The following DSCAM variants were observed in gnomAD, a reference collection of about 807,000 sequenced individuals.
DSCAM encodes the protein cell adhesion molecule DSCAM.
DSCAM carries 47 observed loss-of-function variants against 217.7 expected under a neutral mutation model. That is an observed-to-expected ratio of 0.22 (90% CI 0.17 to 0.28). The LOEUF (loss-of-function observed/expected upper bound fraction) is 0.28. Ranked by LOEUF, DSCAM falls within the 10% of genes least tolerant of loss-of-function variation. The pLI, the probability that DSCAM is intolerant of heterozygous loss-of-function variation, is 1.00. For synonymous variants in DSCAM, 1,056 were observed against 1,015.3 expected (o/e 1.04, Z -0.76); for missense variants, 2,080 against 2,618.3 (o/e 0.79, Z 4.49).
At chr21:40,526,677 A>C (rs907284908) in intron 3 of DSCAM, among the ~76,000 whole-genome samples, 1 of 152,142 alleles carries the variant, frequency 6.6e-6, no homozygotes, top group African/African-American at 2.4e-5. Flanking sequence ...GAGAACCATT[A>C]GGGCACTTCA....
chr21:40,780,197 C>T (rs560600898), intron 1 of DSCAM, among the ~76,000 whole-genome samples: 54 of 152,104 alleles, frequency 3.6e-4, no homozygotes, highest in African/African-American at 1.3e-3. Flanking sequence ...TGCTGAAGCA[C>T]GTGTTCTTTC....
chr21:40,333,453 C>A (rs964951345), intron 8 of DSCAM, among the ~76,000 whole-genome samples: 3 of 152,106 alleles, frequency 2.0e-5, no homozygotes, highest in African/African-American at 4.8e-5. Flanking sequence ...CAAACTCCGC[C>A]TCCTGGGTTC....
chr21:40,427,686 C>G (rs1438013847), intron 3 of DSCAM, among the ~76,000 whole-genome samples: 1 of 152,154 alleles, frequency 6.6e-6, no homozygotes, highest in East Asian at 1.9e-4. Flanking sequence ...ATAAGCTGCC[C>G]CATTGGCTTT....
intron 3 of DSCAM, among the ~76,000 whole-genome samples, chr21:40,588,154 G>A (rs2076959889): frequency 6.6e-6 from 1 of 152,112 alleles, no homozygotes; most frequent in Non-Finnish European, 1.5e-5. Context: ...GACCTTGGCG[G>A]GCCCCTCAGC....
Position 40,558,200 on chromosome 21 carries a change from T to C in DSCAM, c.508+134610A>G, listed in dbSNP as rs141440445. Among the ~76,000 whole-genome samples, 15 of 152,258 alleles carry C rather than the reference T, an allele frequency of 9.9e-5. No individual in the cohort carries two copies. In the East Asian group the frequency reaches 2.9e-3, roughly 29 times the overall value. The stretch of plus-strand genomic sequence containing the variant: ...ATCTCTTTATCAGTTGTCATTAAAA[T>C]GATCTAGAGGCCGAGATGGGCAGAT... On this transcript the variant is annotated intron_variant, in intron 3 of 32. Transcript: ENST00000400454.
intron 32 of DSCAM, among the ~76,000 whole-genome samples, chr21:40,033,605 C>G (rs1001565721): frequency 6.6e-6 from 1 of 151,242 alleles, no homozygotes; most frequent in Non-Finnish European, 1.5e-5. Flanking sequence ...GGGAGGGGGG[C>G]CCCCCATTGC....
intron 9 of DSCAM, among the ~76,000 whole-genome samples, chr21:40,300,665 G>A (rs1296404981): frequency 6.6e-6 from 1 of 152,218 alleles, no homozygotes; most frequent in African/African-American, 2.4e-5. Context: ...TAAATTCTCT[G>A]CCTCTGCCTC....
intron 3 of DSCAM, among the ~76,000 whole-genome samples, chr21:40,428,550 G>A (rs1043287724): frequency 5.9e-5 from 9 of 152,112 alleles, no homozygotes; most frequent in South Asian, 2.1e-4. Context: ...GATTACAGGT[G>A]TGAGCCACCA....
At chr21:40,168,330 A>G (rs2090619620) in intron 15 of DSCAM, among the ~76,000 whole-genome samples, 1 of 152,188 alleles carries the variant, frequency 6.6e-6, no homozygotes, top group African/African-American at 2.4e-5. Context: ...GAAATGTGCT[A>G]CCTACTAGGT....
At chr21:40,400,720 T>C (rs1460533567) in intron 3 of DSCAM, among the ~76,000 whole-genome samples, 2 of 152,202 alleles carry the variant, frequency 1.3e-5, no homozygotes, top group African/African-American at 4.8e-5. Context: ...CCTGGCCTTC[T>C]GGGGTAATTT....
chr21:40,761,337 G>GC (rs919884784), intron 1 of DSCAM, among the ~76,000 whole-genome samples: 4 of 151,692 alleles, frequency 2.6e-5, no homozygotes, highest in Non-Finnish European at 5.9e-5. Flanking sequence ...CTGGCTCATG[G>GC]CCCCCCCTCT....
At chr21:40,710,832 G>C (rs1406386450) in intron 1 of DSCAM, among the ~76,000 whole-genome samples, 2 of 152,258 alleles carry the variant, frequency 1.3e-5, no homozygotes, top group Non-Finnish European at 2.9e-5. Context: ...ATTTGTAAGA[G>C]AGAAGAGAAG....
intron 3 of DSCAM, among the ~76,000 whole-genome samples, chr21:40,370,978 A>C (rs1309926057): frequency 6.6e-6 from 1 of 152,198 alleles, no homozygotes; most frequent in Non-Finnish European, 1.5e-5. Flanking sequence ...ATGAGTTAGG[A>C]GTAATTCCAA....
intron 1 of DSCAM, among the ~76,000 whole-genome samples, chr21:40,712,809 CAGAG>C (rs142528775): frequency 3.4e-4 from 51 of 148,844 alleles, no homozygotes; most frequent in Non-Finnish European, 5.4e-4. Flanking sequence ...GAAGTTGAGA[CAGAG>C]AGAGAGAGAG....
Position 40,348,082 on chromosome 21 carries a change from C to T in DSCAM, c.935-137G>A, listed in dbSNP as rs531121707. On this transcript the variant is annotated intron_variant, in intron 5 of 32. Transcript: ENST00000400454. ...ACAGTTCCCATCAGCCACATTATTG[C>T]AATCATACTCCACACAGTTCCCATC... The T allele has an allele frequency of 1.3e-4, 90 of 673,128 alleles. No individual in the cohort carries two copies. In the East Asian group the frequency reaches 2.3e-3, roughly 17 times the overall value. The allele number at this position is 673,128 out of a possible 1,614,324, so 41.7% of individuals were successfully genotyped here. A position where few individuals can be genotyped will look rare whatever the true frequency, so the allele number is the denominator to read the frequency against.
chr21:40,302,605 A>C (rs2074029284), intron 9 of DSCAM, among the ~76,000 whole-genome samples: 1 of 152,212 alleles, frequency 6.6e-6, no homozygotes, highest in African/African-American at 2.4e-5. Flanking sequence ...TCCAAGATGC[A>C]ATATGGCTAA....
chr21:40,424,189 AGTCATGGGATAAATTGC>A (rs761237119), intron 3 of DSCAM, among the ~76,000 whole-genome samples: 3 of 152,218 alleles, frequency 2.0e-5, no homozygotes, highest in Non-Finnish European at 4.4e-5. Flanking sequence ...CTAATTTAGA[AGTCATGGGATAAATTGC>A]GTCCCCCCAA....
intron 4 of DSCAM, among the ~76,000 whole-genome samples, chr21:40,366,634 G>T: frequency 6.6e-6 from 1 of 151,958 alleles, no homozygotes; most frequent in East Asian, 1.9e-4. Context: ...TTTTTCTTGT[G>T]ATAAAGTTGT....
At chr21:40,086,884 G>A (rs981049403) in intron 22 of DSCAM, among the ~76,000 whole-genome samples, 1 of 152,212 alleles carries the variant, frequency 6.6e-6, no homozygotes, top group Non-Finnish European at 1.5e-5. Context: ...AGAGGGTGCA[G>A]CAAACTTCCA....
Sources: allele counts gnomAD v4.1 joint callset (sites outside exome capture counted in the v4.1 genomes callset), GRCh38; gene constraint gnomAD v4.1.1; transcripts MANE v1.5; gene names NCBI Gene and HGNC (gene_info 2026-07-23, HGNC 2026-07-21).